Variants in DZANK1 observed in about 807,000 individuals in gnomAD.
DZANK1 encodes the protein double zinc ribbon and ankyrin repeat-containing protein 1.
Under a neutral mutation model 94.5 loss-of-function variants are expected in DZANK1, and 91 were observed. That is an observed-to-expected ratio of 0.96 (90% confidence interval 0.81 to 1.15). The LOEUF is 1.15. Among genes scored for constraint, DZANK1 ranks in the 50% most tolerant of loss-of-function variants. DZANK1 has a pLI of 0.00. For synonymous variants in DZANK1, 312 were observed against 325.3 expected (o/e 0.96, Z 0.44); for missense variants, 903 against 916.4 (o/e 0.99, Z 0.19).
chr20:18,461,639 A>G (rs1446854151), intron 2 of DZANK1, among the ~76,000 whole-genome samples: 1 of 146,812 alleles, frequency 6.8e-6, no homozygotes, highest in African/African-American at 2.5e-5. Context: ...CACTCCTGTC[A>G]TCCTGACTGG....
intron 9 of DZANK1, chr20:18,432,375 T>C (rs1011044309): frequency 2.6e-5 from 4 of 152,174 alleles, no homozygotes; most frequent in Admixed American, 2.6e-4. Context: ...CTCTCTCCCA[T>C]ATATAAGAAG....
chr20:18,425,169 G>A (rs1262606398), intron 10 of DZANK1, among the ~76,000 whole-genome samples: 1 of 152,104 alleles, frequency 6.6e-6, no homozygotes, highest in African/African-American at 2.4e-5. Flanking sequence ...GAATTTTACT[G>A]CATATAAATC....
intron 7 of DZANK1, among the ~76,000 whole-genome samples, chr20:18,444,537 T>C (rs967017168): frequency 4.6e-5 from 7 of 152,140 alleles, no homozygotes; most frequent in African/African-American, 1.2e-4. Context: ...GTGCATGTGA[T>C]GGAAGAAACC....
At chr20:18,432,463 T>C (rs2058322355) in intron 9 of DZANK1, 1 of 152,174 alleles carries the variant, frequency 6.6e-6, no homozygotes, top group African/African-American at 2.4e-5. Flanking sequence ...AAAATAGTCA[T>C]TGAACAAAAA....
chr20:18,455,290 GGA>G lies in DZANK1; in HGVS notation c.333_334del (p.Pro112Ter). 3.1e-6 allele frequency: 5 copies of G among 1,609,490 alleles called. No homozygotes were observed. The highest frequency in any genetic ancestry group is 4.2e-6 in the Non-Finnish European group (5 of 1,177,642). On this transcript the variant is annotated frameshift_variant, in exon 4 of 21. Transcript: ENST00000262547. LOFTEE classifies it high-confidence loss of function. ...GAGAACATTTTCAACATTGTCTTCAGGAGAGACTATATTTGGTGGTTCATAGT... is the reference window on the plus strand; with the variant it reads ...GAGAACATTTTCAACATTGTCTTCAGGAGACTATATTTGGTGGTTCATAGT...
chr20:18,450,684 T>C (rs1339507570), intron 6 of DZANK1, among the ~76,000 whole-genome samples: 4 of 152,202 alleles, frequency 2.6e-5, no homozygotes, highest in Admixed American at 1.3e-4. Context: ...TACTTGATGG[T>C]AAGTGTGAGC....
chr20:18,396,518 C>T, exon 15 of DZANK1: 1 of 1,613,524 alleles, frequency 6.2e-7, no homozygotes, highest in Non-Finnish European at 8.5e-7. Flanking sequence ...AACTTCACAA[C>T]CATCTTCGTG....
In DZANK1 at chr20:18,394,239, A is replaced by G. The variant is rs778787309; in HGVS notation, c.1708+15T>C. ...TGGTCAGTTGTTTTAAAATTGCCAG[A>G]AGGGAATAACTCACCCCAGCTGGAC... On this transcript the variant is annotated intron_variant, in intron 16 of 20. Transcript: ENST00000262547. The G allele has an allele frequency of 5.6e-6, 9 of 1,610,088 alleles. No homozygotes were observed. In the South Asian group the frequency reaches 6.7e-5, roughly 12 times the overall value.
intron 10 of DZANK1, among the ~76,000 whole-genome samples, chr20:18,417,707 TA>T (rs1046195256): frequency 6.6e-6 from 1 of 152,032 alleles, no homozygotes; most frequent in African/African-American, 2.4e-5. Context: ...CATCTTTTTT[TA>T]AAAAAAACTA....
chr20:18,407,165 A>C (rs1002839947), intron 13 of DZANK1, among the ~76,000 whole-genome samples: 7 of 152,344 alleles, frequency 4.6e-5, no homozygotes, highest in African/African-American at 1.4e-4. Context: ...GCCCAGTGCT[A>C]TACTGGCTTC....
exon 6 of DZANK1, chr20:18,452,644 C>T: frequency 6.2e-7 from 1 of 1,600,762 alleles, no homozygotes; most frequent in Non-Finnish European, 8.5e-7. Context: ...GGTCTAGAAC[C>T]TGATCCTCCA....
At chr20:18,415,627 T>C (rs924505965) in intron 10 of DZANK1, among the ~76,000 whole-genome samples, 178 bp from the exon 11 acceptor site, 3 of 152,120 alleles carry the variant, frequency 2.0e-5, no homozygotes, top group African/African-American at 7.3e-5. Flanking sequence ...TTTCACCAAT[T>C]AATAAATTAG....
chr20:18,440,189 A>C (rs928182094), intron 8 of DZANK1, among the ~76,000 whole-genome samples: 9 of 152,074 alleles, frequency 5.9e-5, no homozygotes, highest in African/African-American at 2.2e-4. Flanking sequence ...TGAGAAAATA[A>C]ATTTCTGTTC....
chr20:18,421,701 C>T (rs1428155246), intron 10 of DZANK1, among the ~76,000 whole-genome samples: 1 of 152,158 alleles, frequency 6.6e-6, no homozygotes, highest in South Asian at 2.1e-4. Context: ...CTTAAATGTA[C>T]TAGGCATCCA....
At chr20:18,389,865 C>T (rs1236231051) in intron 18 of DZANK1, 37 bp from the exon 19 acceptor site, 2 of 1,611,700 alleles carry the variant, frequency 1.2e-6, no homozygotes, top group East Asian at 2.2e-5. Flanking sequence ...CTCCAAAACA[C>T]CCTGCACTCA....
exon 21 of DZANK1, chr20:18,383,418 C>T (rs2048305361): frequency 6.6e-6 from 1 of 152,068 alleles, no homozygotes; most frequent in African/African-American, 2.4e-5. Flanking sequence ...AATCAAAGAA[C>T]ACACCATAAT....
At chr20:18,391,776 G>A (rs1267621536) in intron 17 of DZANK1, among the ~76,000 whole-genome samples, 2 of 152,222 alleles carry the variant, frequency 1.3e-5, no homozygotes, top group Admixed American at 6.5e-5. Flanking sequence ...GAGGACACTG[G>A]TCAAGGCCTC....
intron 2 of DZANK1, among the ~76,000 whole-genome samples, chr20:18,463,736 T>A (rs867168229): frequency 1.3e-5 from 2 of 152,210 alleles, no homozygotes; most frequent in Non-Finnish European, 2.9e-5. Context: ...AAAAATTGTA[T>A]CAGCTTTTAA....
chr20:18,438,760 G>A (rs191347160), intron 8 of DZANK1, among the ~76,000 whole-genome samples: 64 of 152,344 alleles, frequency 4.2e-4, no homozygotes, highest in Non-Finnish European at 7.8e-4. Context: ...AGAAGTCCAA[G>A]ATCAGGATGC....
Sources: gnomAD v4.1 joint callset for allele counts (sites outside exome capture counted in the v4.1 genomes callset) on GRCh38, gnomAD v4.1.1 for gene constraint, MANE v1.5 for transcripts, NCBI Gene and HGNC (gene_info 2026-07-23, HGNC 2026-07-21) for gene names.